WDR47: variants seen among roughly 807,000 people sequenced by gnomAD.
The protein encoded by WDR47 is WD repeat-containing protein 47.
In WDR47, 32 loss-of-function variants were observed where a neutral mutation model predicts 97.2. The observed-to-expected ratio is 0.33, with a 90% confidence interval of 0.25 to 0.44. The LOEUF is 0.44. Among genes scored for constraint, WDR47 ranks in the 20% least tolerant of loss-of-function variants. WDR47 has a pLI of 1.00. For synonymous variants in WDR47, 375 were observed against 373.5 expected, an observed-to-expected ratio of 1.00 and a Z score of -0.05; for missense variants, 782 against 1,102.3, an observed-to-expected ratio of 0.71 and a Z score of 4.11.
chr1:109,025,867 A>G (rs932330880), intron 1 of WDR47, among the ~76,000 whole-genome samples: 1 of 152,202 alleles, frequency 6.6e-6, no homozygotes, highest in Non-Finnish European at 1.5e-5. Context: ...TCTGCAGAGT[A>G]AGAATATGTC....
chr1:109,020,770 A>G (rs1661775065), intron 2 of WDR47, among the ~76,000 whole-genome samples: 1 of 152,158 alleles, frequency 6.6e-6, no homozygotes, highest in Admixed American at 6.6e-5. Flanking sequence ...TTCATAACAC[A>G]AAATATAGGG....
chr1:109,032,237 C>T (rs778255047), intron 1 of WDR47, among the ~76,000 whole-genome samples: 1 of 139,302 alleles, frequency 7.2e-6, no homozygotes, highest in Admixed American at 7.7e-5. Flanking sequence ...TCTGGCCAGG[C>T]GCAGTGGCTC....
At chr1:109,000,375 GGTGC>G (rs1660087415) in intron 7 of WDR47, among the ~76,000 whole-genome samples, 1 of 151,868 alleles carries the variant, frequency 6.6e-6, no homozygotes, top group East Asian at 1.9e-4. Flanking sequence ...CAGGCATAGT[GGTGC>G]GTACCTGTAA....
intron 1 of WDR47, among the ~76,000 whole-genome samples, chr1:109,033,601 A>C (rs1415943704): frequency 1.3e-5 from 2 of 152,198 alleles, no homozygotes; most frequent in African/African-American, 4.8e-5. Context: ...AGTGTGGGCA[A>C]ATGCCTTCAT....
intron 3 of WDR47, among the ~76,000 whole-genome samples, chr1:109,017,275 C>A (rs1394730204): frequency 6.6e-6 from 1 of 152,020 alleles, no homozygotes; most frequent in Non-Finnish European, 1.5e-5. Flanking sequence ...ATGGTACACG[C>A]CTGTATAGTC....
At chr1:109,028,003 G>A (rs1280210731) in intron 1 of WDR47, among the ~76,000 whole-genome samples, 21 of 152,006 alleles carry the variant, frequency 1.4e-4, no homozygotes, top group Admixed American at 1.4e-3. Context: ...CTCTCCTCTG[G>A]GGGAGCTATA....
chr1:108,995,471 G>A, intron 8 of WDR47, 109 bp downstream of exon 8: 2 of 1,310,390 alleles, frequency 1.5e-6, no homozygotes, highest in African/African-American at 1.5e-5. Flanking sequence ...AAAATTGGTA[G>A]GCAGTAAGCT....
At chr1:108,987,122 C>A in intron 9 of WDR47, 1 of 192,552 alleles carries the variant, frequency 5.2e-6, no homozygotes, top group South Asian at 1.2e-4. Flanking sequence ...CCCCATAGAT[C>A]CCTTAGCCCT....
chr1:108,995,898 A>C, intron 7 of WDR47, 61 bp from the exon 8 acceptor site: 1 of 1,529,772 alleles, frequency 6.5e-7, no homozygotes, highest in Non-Finnish European at 8.9e-7. Context: ...CCTAATATAT[A>C]CAAGGTTAAA....
intron 5 of WDR47, among the ~76,000 whole-genome samples, chr1:109,010,469 T>C (rs1660957451): frequency 6.6e-6 from 1 of 151,830 alleles, no homozygotes; most frequent in Non-Finnish European, 1.5e-5. Context: ...GATTTTAACC[T>C]GGGAGATTGT....
intron 8 of WDR47, among the ~76,000 whole-genome samples, chr1:108,993,209 C>T (rs552702019): frequency 6.6e-6 from 1 of 152,070 alleles, no homozygotes; most frequent in East Asian, 1.9e-4. Context: ...CCTGTAGTCC[C>T]AGCTAGTAGG....
intron 1 of WDR47, among the ~76,000 whole-genome samples, chr1:109,029,661 G>A (rs1031537704): frequency 2.1e-4 from 31 of 146,714 alleles, no homozygotes; most frequent in African/African-American, 7.4e-4. Context: ...GACAGAGCGA[G>A]ACTCTGTCTC....
At chr1:109,000,724 C>A (rs1660122463) in intron 7 of WDR47, among the ~76,000 whole-genome samples, 1 of 151,936 alleles carries the variant, frequency 6.6e-6, no homozygotes, top group East Asian at 1.9e-4. Context: ...AAAAACCACT[C>A]CCTTTGTGAA....
intron 1 of WDR47, among the ~76,000 whole-genome samples, chr1:109,035,499 ATTT>A (rs773014772): frequency 6.9e-6 from 1 of 143,904 alleles, no homozygotes. Flanking sequence ...CAATTTTTAA[ATTT>A]TTTTTTTTTT....
chr1:108,980,007 G>A (rs1028271937), intron 13 of WDR47, among the ~76,000 whole-genome samples: 1 of 152,182 alleles, frequency 6.6e-6, no homozygotes, highest in African/African-American at 2.4e-5. Flanking sequence ...GCTCACAGGA[G>A]CGGGAACCCT....
At chr1:108,998,822 G>A (rs1659947898) in intron 7 of WDR47, among the ~76,000 whole-genome samples, 1 of 152,110 alleles carries the variant, frequency 6.6e-6, no homozygotes, top group African/African-American at 2.4e-5. Context: ...AAAACATTGA[G>A]AGGAAAAAGC....
At chr1:109,013,538 A>C (rs533577573) in intron 4 of WDR47, among the ~76,000 whole-genome samples, 1 of 152,326 alleles carries the variant, frequency 6.6e-6, no homozygotes, top group East Asian at 1.9e-4. Flanking sequence ...CGGGATTTAA[A>C]AAAAAGAAGA....
At chr1:108,992,841 A>G (rs1383475338) in intron 8 of WDR47, 4 of 1,461,306 alleles carry the variant, frequency 2.7e-6, no homozygotes, top group Non-Finnish European at 3.8e-6. Flanking sequence ...GAGTAAATTC[A>G]GCATTAAAAT....
intron 6 of WDR47, among the ~76,000 whole-genome samples, chr1:109,003,309 C>A (rs1423453850): frequency 6.6e-6 from 1 of 152,104 alleles, no homozygotes; most frequent in Non-Finnish European, 1.5e-5. Context: ...ATATTTGCAT[C>A]ATATTTTAAA....
Sources: gnomAD v4.1 joint callset for allele counts (sites outside exome capture counted in the v4.1 genomes callset) on GRCh38, gnomAD v4.1.1 for gene constraint, MANE v1.5 for transcripts, NCBI Gene and HGNC (gene_info 2026-07-23, HGNC 2026-07-21) for gene names.